Variants in ZFP82 observed in about 807,000 individuals in gnomAD.
ZFP82 encodes ZFP82 zinc finger protein, also known as zinc finger protein 82 homolog.
Under a neutral mutation model 54.0 loss-of-function variants are expected in ZFP82, and 30 were observed. The observed-to-expected ratio is 0.56, with a 90% CI of 0.42 to 0.75. The LOEUF (loss-of-function observed/expected upper bound fraction) is 0.75, where lower values mean the gene tolerates loss of function less well. Ranked by LOEUF, ZFP82 falls within the 30% of genes least tolerant of loss-of-function variation. The probability of loss-of-function intolerance (pLI) is 0.00; values close to 1 mark genes in which losing one functional copy is unlikely to be tolerated. For synonymous variants in ZFP82, 194 were observed against 209.5 expected (o/e 0.93, Z 0.64); for missense variants, 500 against 636.8 (o/e 0.79, Z 2.31).
chr19:36,386,555 G>A (rs966496342), downstream of ZFP82, among the ~76,000 whole-genome samples: 1 of 152,214 alleles, frequency 6.6e-6, no homozygotes, highest in African/African-American at 2.4e-5. Flanking sequence ...GCAAAGCCAT[G>A]GGGGCAAGGC....
chr19:36,404,809 T>C (rs2032452522), intron 4 of ZFP82, among the ~76,000 whole-genome samples: 1 of 152,232 alleles, frequency 6.6e-6, no homozygotes, highest in African/African-American at 2.4e-5. Context: ...ATAACCGCCT[T>C]GCAGGCTGCA....
At chr19:36,417,072 C>CAAA (rs140495874) in intron 1 of ZFP82, among the ~76,000 whole-genome samples, 5 of 65,662 alleles carry the variant, frequency 7.6e-5, no homozygotes, top group African/African-American at 1.2e-4. Context: ...GACCCTGTCT[C>CAAA]AAAAAAAAAA....
intron 4 of ZFP82, among the ~76,000 whole-genome samples, chr19:36,403,231 G>A (rs1205790277): frequency 3.3e-5 from 5 of 150,262 alleles, no homozygotes; most frequent in Non-Finnish European, 5.9e-5. Context: ...ACCGAGTCAG[G>A]AGAATCACTT....
chr19:36,386,029 A>C (rs2385799), downstream of ZFP82, among the ~76,000 whole-genome samples: 103,464 of 152,110 alleles, frequency 0.68, 35,464 homozygotes, highest in African/African-American at 0.76. Flanking sequence ...AAGGTTGTAT[A>C]CCCAGAGACT....
chr19:36,404,369 A>G lies in ZFP82; in HGVS notation c.229+1211T>C, dbSNP rs577631851. Among the ~76,000 whole-genome samples, 5 of 152,180 alleles carry G rather than the reference A, an allele frequency of 3.3e-5. No homozygotes were observed. In the East Asian group the frequency reaches 9.6e-4, roughly 29 times the overall value. On this transcript the variant is annotated intron_variant, in intron 4 of 4. Coordinates refer to ENST00000392161, the MANE Select transcript of ZFP82 (RefSeq NM_133466.4). ...GCTAGAGAAAATAAAAGGCTGAAAG[A>G]CCCTTTTGCTTACTTCATCAGAACA... is the stretch of plus-strand genomic sequence containing the variant.
intron 1 of ZFP82, among the ~76,000 whole-genome samples, chr19:36,413,266 C>A (rs1483437720): frequency 6.6e-6 from 1 of 152,082 alleles, no homozygotes; most frequent in Non-Finnish European, 1.5e-5. Context: ...CAAAAATAAG[C>A]TGGGCGTGGT....
chr19:36,417,925 G>C (rs577565991), intron 1 of ZFP82, among the ~76,000 whole-genome samples: 8 of 152,184 alleles, frequency 5.3e-5, no homozygotes, highest in Non-Finnish European at 1.0e-4. Flanking sequence ...CTATCCCAAG[G>C]TCGGGTCTGA....
intron 3 of ZFP82, among the ~76,000 whole-genome samples, chr19:36,406,053 G>A (rs2032476544): frequency 6.6e-6 from 1 of 151,996 alleles, no homozygotes; most frequent in Admixed American, 6.6e-5. Context: ...TATGATTATT[G>A]TTAAGATTAT....
intron 1 of ZFP82, among the ~76,000 whole-genome samples, chr19:36,411,263 T>C (rs955874726): frequency 6.6e-6 from 1 of 152,140 alleles, no homozygotes; most frequent in Non-Finnish European, 1.5e-5. Flanking sequence ...TTTGGAATCA[T>C]TTATCTAACC....
chr19:36,409,774 A>G lies in ZFP82; in HGVS notation c.9+7T>C. 10 of 1,613,784 alleles carry G rather than the reference A, an allele frequency of 6.2e-6. No individual in the cohort carries two copies. Among genetic ancestry groups the G allele is most frequent in the Non-Finnish European group, 8.5e-6 (10 of 1,179,858 alleles). Reference sequence around the variant, plus strand: ...GATAGTATTCCTAGGAGGAGAAAAAAACTTACAAGGGCCATGGTATAGAAA... The same window carrying G: ...GATAGTATTCCTAGGAGGAGAAAAAGACTTACAAGGGCCATGGTATAGAAA... On this transcript the variant is annotated splice_region_variant and intron_variant, in intron 2 of 4. Transcript: ENST00000392161.
chr19:36,387,961 A>T (rs1447250354), downstream of ZFP82, among the ~76,000 whole-genome samples: 1 of 152,192 alleles, frequency 6.6e-6, no homozygotes, highest in African/African-American at 2.4e-5. Flanking sequence ...AAAGGTAATA[A>T]TTTTTGTGTT....
In ZFP82 at chr19:36,393,892, A is replaced by G. The variant is rs776916108; in HGVS notation, c.448T>C (p.Ser150Pro). ...GTAACAGATGTGCGTTTCTGGTAAG[A>G]GGACACCTTTTCAGATGGCATTTTC... ...SVKMPSEKVS[S>P]YQKRTSVTPH... The change falls in exon 5 of 5, where the codon TCT (serine) becomes CCT (proline). Residue 150 changes from serine (S) to proline (P), a missense_variant. Coordinates refer to ENST00000392161, the MANE Select transcript of ZFP82 (RefSeq NM_133466.4). 1 of 1,614,200 alleles carries G rather than the reference A, an allele frequency of 6.2e-7. No individual in the cohort carries two copies. The highest frequency in any genetic ancestry group is 8.5e-7 in the Non-Finnish European group (1 of 1,180,030).
At chr19:36,416,194 T>G (rs909131847) in intron 1 of ZFP82, among the ~76,000 whole-genome samples, 1 of 152,192 alleles carries the variant, frequency 6.6e-6, no homozygotes, top group Non-Finnish European at 1.5e-5. Flanking sequence ...CTGCATCACA[T>G]GGAGTGTGGC....
Position 36,393,839 on chromosome 19 carries a change from A to G in ZFP82, c.501T>C (p.Asp167=). ...CACATTCCTTACATTCATAGGGTTT[A>G]TCAACAAAATGAAGTCTCTGATGTG... ...VTPHQRLHFV[D]KPYECKECGK... Residue 167 remains aspartate, a synonymous_variant, in exon 5 of 5, where the codon GAT becomes GAC. Coordinates refer to ENST00000392161, the MANE Select transcript of ZFP82 (RefSeq NM_133466.4). The G allele has an allele frequency of 1.9e-6, 3 of 1,614,186 alleles. No homozygotes were observed. In the South Asian group the frequency reaches 3.3e-5, roughly 18 times the overall value.
chr19:36,417,775 T>C (rs73043902), intron 1 of ZFP82, among the ~76,000 whole-genome samples: 24,332 of 152,166 alleles, frequency 0.16, 2,420 homozygotes, highest in Non-Finnish European at 0.22. Flanking sequence ...GAAGCAATGC[T>C]GTGGTTCTGA....
At chr19:36,385,438 C>T (rs1030641206), downstream of ZFP82, among the ~76,000 whole-genome samples, 10 of 152,144 alleles carry the variant, frequency 6.6e-5, no homozygotes, top group East Asian at 1.3e-3. Context: ...TGGAAAAGTA[C>T]GCAGTTGCTA....
At position 36,393,023 on chromosome 19, in the gene ZFP82, C is replaced by T. The variant is rs1189201892; in HGVS notation, c.1317G>A (p.Gln439=). 9 of 1,614,028 alleles carry T rather than the reference C, an allele frequency of 5.6e-6. No individual in the cohort carries two copies. The highest frequency in any genetic ancestry group is 7.6e-6 in the Non-Finnish European group (9 of 1,180,032). The change falls in exon 5 of 5, where the codon CAG becomes CAA. Residue 439 remains glutamine (Q), a synonymous_variant. Coordinates refer to ENST00000392161, the MANE Select transcript of ZFP82 (RefSeq NM_133466.4). ...TCTCACCAATATGAATACTCTGATG[C>T]TGTGTGAGTTGTGAAAGTAGTCTGA... ...KAFRLLSQLT[Q]HQSIHIGEKP... is the part of the protein sequence containing the mutation.
At chr19:36,411,024 C>G (rs913118928) in intron 1 of ZFP82, among the ~76,000 whole-genome samples, 1 of 151,912 alleles carries the variant, frequency 6.6e-6, no homozygotes, top group Non-Finnish European at 1.5e-5. Flanking sequence ...AAAACCCTGT[C>G]TCTACTAAAA....
intron 4 of ZFP82, among the ~76,000 whole-genome samples, chr19:36,405,374 C>A (rs1414478932): frequency 6.6e-6 from 1 of 152,002 alleles, no homozygotes; most frequent in Non-Finnish European, 1.5e-5. Flanking sequence ...CTTTTAGTAT[C>A]CCCCAGCTAA....
Sources: gnomAD v4.1 joint callset for allele counts (sites outside exome capture counted in the v4.1 genomes callset) on GRCh38, gnomAD v4.1.1 for gene constraint, MANE v1.5 for transcripts, NCBI Gene and HGNC (gene_info 2026-07-23, HGNC 2026-07-21) for gene names.